AUTS2: variants seen among roughly 807,000 people sequenced by gnomAD.
The protein encoded by AUTS2 is activator of transcription and developmental regulator AUTS2.
Under a neutral mutation model 112.4 loss-of-function variants are expected in AUTS2, and 17 were observed. The ratio of observed to expected loss-of-function variants is 0.15; its 90% CI spans 0.10 to 0.23. AUTS2 has a LOEUF of 0.23. Among genes scored for constraint, AUTS2 ranks in the 10% least tolerant of loss-of-function variants. The pLI, the probability that AUTS2 is intolerant of heterozygous loss-of-function variation, is 1.00. For missense variants in AUTS2, 1,510 were observed against 1,701.6 expected, an observed-to-expected ratio of 0.89 and a Z score of 1.98; for synonymous variants, 751 against 702.7, an observed-to-expected ratio of 1.07 and a Z score of -1.09.
intron 2 of AUTS2, among the ~76,000 whole-genome samples, chr7:70,006,796 A>G (rs1157972319): frequency 1.3e-5 from 2 of 152,136 alleles, no homozygotes; most frequent in African/African-American, 2.4e-5. Context: ...ATTCTTTGTC[A>G]TGTCTCATGG....
At chr7:69,612,767 T>A (rs1338251891) in intron 1 of AUTS2, among the ~76,000 whole-genome samples, 4 of 152,184 alleles carry the variant, frequency 2.6e-5, no homozygotes, top group Non-Finnish European at 4.4e-5. Context: ...TTATTTCTTA[T>A]GTATTGTTAT....
chr7:70,085,084 C>T (rs906582166), intron 2 of AUTS2, among the ~76,000 whole-genome samples: 4 of 152,180 alleles, frequency 2.6e-5, no homozygotes, highest in East Asian at 3.9e-4. Context: ...ACCGTGTTGC[C>T]GTGGCTGTTC....
At chr7:70,477,586 C>T (rs1458032885) in intron 5 of AUTS2, among the ~76,000 whole-genome samples, 1 of 152,224 alleles carries the variant, frequency 6.6e-6, no homozygotes, top group African/African-American at 2.4e-5. Flanking sequence ...CCTCCCATTA[C>T]TCTGCTGGCA....
chr7:70,781,859 C>T (rs1374115528), intron 15 of AUTS2, 103 bp downstream of exon 15: 1 of 1,454,940 alleles, frequency 6.9e-7, no homozygotes, highest in African/African-American at 1.4e-5. Flanking sequence ...TCACCACCTA[C>T]AAAAATACAG....
chr7:70,409,627 G>A (rs1316955962), intron 4 of AUTS2, among the ~76,000 whole-genome samples: 1 of 152,156 alleles, frequency 6.6e-6, no homozygotes, highest in Non-Finnish European at 1.5e-5. Flanking sequence ...CATTTAATGG[G>A]AGGGGAAAGC....
chr7:69,635,323 CTCTTT>C (rs901678930), intron 1 of AUTS2, among the ~76,000 whole-genome samples: 25 of 152,338 alleles, frequency 1.6e-4, no homozygotes, highest in Admixed American at 6.5e-4. Flanking sequence ...GCTCACTCAC[CTCTTT>C]TCTTAAATAC....
At chr7:70,236,654 G>A (rs991206394) in intron 4 of AUTS2, among the ~76,000 whole-genome samples, 2 of 152,070 alleles carry the variant, frequency 1.3e-5, no homozygotes, top group Non-Finnish European at 2.9e-5. Flanking sequence ...AGTGAAAATT[G>A]TTTCTTTTTC....
intron 2 of AUTS2, among the ~76,000 whole-genome samples, chr7:69,967,737 TGAG>T (rs2129547593): frequency 6.6e-6 from 1 of 152,288 alleles, no homozygotes; most frequent in South Asian, 2.1e-4. Flanking sequence ...TCTTTTCCTC[TGAG>T]GGCAGGAGGT....
At chr7:70,168,431 C>T (rs1255292105) in intron 4 of AUTS2, among the ~76,000 whole-genome samples, 2 of 152,210 alleles carry the variant, frequency 1.3e-5, no homozygotes, top group Admixed American at 1.3e-4. Flanking sequence ...ATTCTCCTGC[C>T]TCAGCCTCCC....
intron 4 of AUTS2, among the ~76,000 whole-genome samples, chr7:70,222,709 A>G (rs534137113): frequency 2.5e-4 from 38 of 152,100 alleles, no homozygotes; most frequent in African/African-American, 8.7e-4. Flanking sequence ...AGGTTCTGCT[A>G]CTGCTTTTAG....
At chr7:70,350,446 C>A (rs908939707) in intron 4 of AUTS2, among the ~76,000 whole-genome samples, 1 of 152,108 alleles carries the variant, frequency 6.6e-6, no homozygotes, top group African/African-American at 2.4e-5. Context: ...GGAGGCCTCA[C>A]AATCATGGCA....
intron 6 of AUTS2, among the ~76,000 whole-genome samples, chr7:70,738,014 C>G (rs923760141): frequency 3.3e-5 from 5 of 151,974 alleles, no homozygotes; most frequent in African/African-American, 1.2e-4. Context: ...GGAAGACATT[C>G]TGAAACCAAC....
At chr7:69,937,030 A>G (rs543072674) in intron 2 of AUTS2, among the ~76,000 whole-genome samples, 185 of 151,260 alleles carry the variant, frequency 1.2e-3, no homozygotes, top group Non-Finnish European at 2.4e-3. Flanking sequence ...CTCATTTGAT[A>G]TAACTGACAG....
At chr7:69,987,661 G>C (rs1267925550) in intron 2 of AUTS2, among the ~76,000 whole-genome samples, 1 of 152,048 alleles carries the variant, frequency 6.6e-6, no homozygotes, top group African/African-American at 2.4e-5. Flanking sequence ...ATAGAGACCA[G>C]GTCTTGTGAT....
intron 4 of AUTS2, among the ~76,000 whole-genome samples, chr7:70,262,926 A>G (rs926350744): frequency 1.3e-5 from 2 of 152,224 alleles, no homozygotes; most frequent in African/African-American, 4.8e-5. Flanking sequence ...AAATACAGTC[A>G]TAGGCCATTT....
chr7:70,189,681 C>A (rs1809783090), intron 4 of AUTS2, among the ~76,000 whole-genome samples: 1 of 152,152 alleles, frequency 6.6e-6, no homozygotes, highest in Non-Finnish European at 1.5e-5. Context: ...ATGTAAGGTG[C>A]CTGGCACTTA....
rs375711566 is a variant in AUTS2 at position 70,369,626 on chromosome 7, A to G, written c.661-66126A>G. 2.6e-5 allele frequency among the ~76,000 whole-genome samples: 4 copies of G among 152,142 alleles called. No individual in the cohort carries two copies. The East Asian group carries it at 5.8e-4, about 22-fold the overall frequency. Reference sequence around the variant, plus strand: ...GAGGAGATGATTAGATCAAGAAATTATGGGACATCAGGTTGAACTGACAGG... The same window carrying G: ...GAGGAGATGATTAGATCAAGAAATTGTGGGACATCAGGTTGAACTGACAGG... On this transcript the variant is annotated intron_variant, in intron 4 of 18. Coordinates refer to ENST00000342771, the MANE Select transcript of AUTS2 (RefSeq NM_015570.4).
intron 1 of AUTS2, among the ~76,000 whole-genome samples, chr7:69,866,215 C>A (rs1445129789): frequency 6.6e-6 from 1 of 152,152 alleles, no homozygotes; most frequent in African/African-American, 2.4e-5. Flanking sequence ...ATTGGCTCCC[C>A]ATTGCCCAAA....
chr7:69,696,529 C>T (rs1021576863), intron 1 of AUTS2, among the ~76,000 whole-genome samples: 48 of 152,196 alleles, frequency 3.2e-4, no homozygotes, highest in Non-Finnish European at 2.9e-5. Context: ...ACTCTGAATA[C>T]TCTTACCCTC....
Sources: allele counts gnomAD v4.1 joint callset (sites outside exome capture counted in the v4.1 genomes callset), GRCh38; gene constraint gnomAD v4.1.1; transcripts MANE v1.5; gene names NCBI Gene and HGNC (gene_info 2026-07-23, HGNC 2026-07-21).